The following PKHD1 variants were observed in gnomAD, a reference collection of about 807,000 sequenced individuals.
The protein encoded by PKHD1 is PKHD1 ciliary IPT domain containing fibrocystin/polyductin.
PKHD1 carries 291 observed loss-of-function variants against 412.0 expected under a neutral mutation model. That is an observed-to-expected ratio of 0.71 (90% CI 0.64 to 0.78). The LOEUF is 0.78. Among genes scored for constraint, PKHD1 ranks in the 30% least tolerant of loss-of-function variants. PKHD1 has a pLI of 0.00. For missense variants in PKHD1, 4,825 were observed against 4,950.7 expected (o/e 0.97, Z 0.76); for synonymous variants, 1,777 against 1,821.5 (o/e 0.98, Z 0.62).
intron 43 of PKHD1, among the ~76,000 whole-genome samples, chr6:51,899,455 A>T (rs1204962002): frequency 6.6e-6 from 1 of 152,186 alleles, no homozygotes; most frequent in African/African-American, 2.4e-5. Context: ...GGCCTTTGAC[A>T]AAATTCAACA....
At chr6:51,905,652 G>C (rs764189373) in intron 41 of PKHD1, among the ~76,000 whole-genome samples, 6 of 152,172 alleles carry the variant, frequency 3.9e-5, no homozygotes, top group Non-Finnish European at 7.4e-5. Context: ...CTGGTGAAAA[G>C]TTTGGGATTC....
intron 27 of PKHD1, among the ~76,000 whole-genome samples, chr6:52,037,755 C>A (rs1279457006): frequency 6.6e-6 from 1 of 152,198 alleles, no homozygotes; most frequent in Non-Finnish European, 1.5e-5. Context: ...ATTATGCAAC[C>A]TCTAAAGAGA....
intron 60 of PKHD1, among the ~76,000 whole-genome samples, chr6:51,674,468 A>G (rs1582003043): frequency 6.6e-6 from 1 of 152,278 alleles, no homozygotes; most frequent in Non-Finnish European, 1.5e-5. Context: ...TCCCTTCCCT[A>G]AAACTTTCTA....
Position 52,070,575 on chromosome 6 carries a change from T to C in PKHD1, c.668-130A>G, listed in dbSNP as rs2163185. The stretch of plus-strand genomic sequence containing the variant: ...CCCAAACCTGTAATTTCTTTAGTGG[T>C]TCCCCCCCGCAAAAACAAACAAACA... On this transcript the variant is annotated intron_variant, in intron 9 of 66. Transcript: ENST00000371117. 14,509 of 691,140 alleles carry C rather than the reference T, an allele frequency of 0.021. 200 individuals are homozygous for C. The highest frequency in any genetic ancestry group is 0.038 in the East Asian group (1,445 of 38,134). The allele number at this position is 691,140 out of a possible 1,614,324, so 42.8% of individuals were successfully genotyped here.
chr6:51,847,994 T>G (rs754950098), intron 49 of PKHD1, 24 bp from the exon 50 acceptor site: 15 of 1,534,346 alleles, frequency 9.8e-6, no homozygotes, highest in Non-Finnish European at 1.4e-5. Flanking sequence ...AAAAACACAA[T>G]AGTGCTCATT....
At chr6:51,990,769 CT>C (rs551097824) in intron 35 of PKHD1, among the ~76,000 whole-genome samples, 19 of 148,408 alleles carry the variant, frequency 1.3e-4, no homozygotes, top group African/African-American at 2.2e-4. Context: ...CATTCACTAG[CT>C]TTTTTTTTTG....
intron 57 of PKHD1, among the ~76,000 whole-genome samples, chr6:51,752,791 A>T (rs1786314506): frequency 6.6e-6 from 1 of 152,214 alleles, no homozygotes; most frequent in Admixed American, 6.5e-5. Context: ...TGAAATATGG[A>T]AATCATTTTT....
At chr6:51,806,010 A>G (rs6940774) in intron 52 of PKHD1, among the ~76,000 whole-genome samples, 89,420 of 148,024 alleles carry the variant, frequency 0.6, 27,074 homozygotes, top group East Asian at 0.78. Context: ...ACCCAGTAAC[A>G]GGATGGCTGG....
intron 35 of PKHD1, among the ~76,000 whole-genome samples, chr6:51,971,272 T>G (rs1041745127): frequency 6.6e-6 from 1 of 152,212 alleles, no homozygotes; most frequent in African/African-American, 2.4e-5. Flanking sequence ...AACAGAAAAT[T>G]AATATGCCAC....
chr6:51,991,293 G>A (rs1480428623), intron 35 of PKHD1, among the ~76,000 whole-genome samples: 1 of 152,130 alleles, frequency 6.6e-6, no homozygotes, highest in African/African-American at 2.4e-5. Context: ...GAGACTCAAA[G>A]GAAAACTTGG....
At chr6:51,777,379 T>C (rs1173812124) in intron 53 of PKHD1, among the ~76,000 whole-genome samples, 1 of 152,100 alleles carries the variant, frequency 6.6e-6, no homozygotes, top group Admixed American at 6.6e-5. Flanking sequence ...GACAGGTAAG[T>C]AAATCTGCCT....
At chr6:52,084,299 C>T (rs890514173) in intron 2 of PKHD1, among the ~76,000 whole-genome samples, 1 of 152,232 alleles carries the variant, frequency 6.6e-6, no homozygotes, top group Non-Finnish European at 1.5e-5. Context: ...ATTAGCACAA[C>T]CATTTATGGC....
At chr6:52,023,527 C>A (rs1375399044) in intron 32 of PKHD1, among the ~76,000 whole-genome samples, 2 of 151,986 alleles carry the variant, frequency 1.3e-5, no homozygotes, top group Admixed American at 1.3e-4. Context: ...TTGAAATTTC[C>A]ATTTTTTCTC....
chr6:51,762,679 A>T (rs9367449), intron 55 of PKHD1, among the ~76,000 whole-genome samples: 47,926 of 150,862 alleles, frequency 0.32, 9,472 homozygotes, highest in East Asian at 0.69. Context: ...TCAGGTATCA[A>T]ATTCTTTTGG....
At chr6:51,807,311 T>G (rs991013412) in intron 52 of PKHD1, among the ~76,000 whole-genome samples, 7 of 151,058 alleles carry the variant, frequency 4.6e-5, no homozygotes, top group Non-Finnish European at 7.4e-5. Flanking sequence ...GGTGGCTCAT[T>G]CCTGTAATCC....
chr6:51,851,757 C>T (rs1772292384), intron 49 of PKHD1, among the ~76,000 whole-genome samples: 1 of 151,948 alleles, frequency 6.6e-6, no homozygotes, highest in South Asian at 2.1e-4. Context: ...TGGTGATATC[C>T]CTTTTATCAT....
chr6:51,955,240 A>T (rs934918432), intron 36 of PKHD1, among the ~76,000 whole-genome samples: 1 of 151,972 alleles, frequency 6.6e-6, no homozygotes, highest in Admixed American at 6.6e-5. Context: ...AGGAGGGAAG[A>T]AGTAGAGATA....
intron 14 of PKHD1, among the ~76,000 whole-genome samples, chr6:52,060,517 A>G (rs1405813348): frequency 6.6e-6 from 1 of 152,260 alleles, no homozygotes. Flanking sequence ...GCGTCAATTC[A>G]AAATGTCAAC....
Position 52,026,184 on chromosome 6 carries a change from A to T in PKHD1, c.3629-3T>A, listed in dbSNP as rs746550616. On this transcript the variant is annotated splice_region_variant and splice_polypyrimidine_tract_variant and intron_variant, in intron 31 of 66. Transcript: ENST00000371117. ...TGAGATGCTGAGGATGGTCCCTCCT[A>T]AAGTATGAATACGGAAAGCAAAATA... 6.2e-7 allele frequency: 1 copy of T among 1,613,616 alleles called. No individual in the cohort carries two copies. The highest frequency in any genetic ancestry group is 8.5e-7 in the Non-Finnish European group (1 of 1,179,724).
Sources: gnomAD v4.1 joint callset for allele counts (sites outside exome capture counted in the v4.1 genomes callset) on GRCh38, gnomAD v4.1.1 for gene constraint, MANE v1.5 for transcripts, NCBI Gene and HGNC (gene_info 2026-07-23, HGNC 2026-07-21) for gene names.